Variants in JAKMIP3 observed in about 807,000 individuals in gnomAD.
The protein encoded by JAKMIP3 is janus kinase and microtubule-interacting protein 3.
Under a neutral mutation model 118.5 loss-of-function variants are expected in JAKMIP3, and 58 were observed. The ratio of observed to expected loss-of-function variants is 0.49; its 90% CI spans 0.40 to 0.61. The LOEUF is 0.61. Ranked by LOEUF, JAKMIP3 falls within the 20% of genes least tolerant of loss-of-function variation. The pLI is 0.00. For missense variants in JAKMIP3, 950 were observed against 1,109.0 expected (o/e 0.86, Z 2.04); for synonymous variants, 486 against 451.2 (o/e 1.08, Z -0.98).
At position 132,163,337 on chromosome 10, in the gene JAKMIP3, G is replaced by T. The variant is rs1160728264; in HGVS notation, c.2349G>T (p.Gln783His). 1 of 1,609,790 alleles carries T rather than the reference G, an allele frequency of 6.2e-7. No individual in the cohort carries two copies. Among genetic ancestry groups the T allele is most frequent in the Non-Finnish European group, 8.5e-7 (1 of 1,179,458 alleles). Residue 783 changes from glutamine (Q) to histidine (H), a missense_variant, in exon 20 of 24, where the codon CAG becomes CAT. Gln to His is a conservative substitution (Grantham distance 24, BLOSUM62 0). Transcript: ENST00000684848. ...TGGCCGTGGAGCAGTGGAAGCGCCA[G>T]GTCATGAGTGAGCTGCGCGAGCGGG... ...LKVAVEQWKR[Q>H]VMSELRERDA...
chr10:132,153,813 C>G lies in JAKMIP3; in HGVS notation c.2128C>G (p.Leu710Val). 3.1e-6 allele frequency: 5 copies of G among 1,613,072 alleles called. No individual in the cohort carries two copies. The highest frequency in any genetic ancestry group is 4.2e-6 in the Non-Finnish European group (5 of 1,179,848). ...GGCGCTGCAGCGGAAGATGGTGGAT[C>G]TGGAGAGCGAGAAGGTTGGTGGCAC... ...EAALQRKMVDLESEKELFSKQ... is the reference protein window; with the variant it reads ...EAALQRKMVDVESEKELFSKQ... Residue 710 changes from leucine to valine, a missense_variant, in exon 18 of 24, where the codon CTG becomes GTG. Leu to Val is a conservative substitution (Grantham distance 32, BLOSUM62 1). Coordinates refer to ENST00000684848, the MANE Select transcript of JAKMIP3 (RefSeq NM_001323087.2).
chr10:132,044,247 C>T lies in JAKMIP3; in HGVS notation c.-138+7509C>T, dbSNP rs2037843824. 6.6e-6 allele frequency among the ~76,000 whole-genome samples: 1 copy of T among 152,234 alleles called. No individual in the cohort carries two copies. Among genetic ancestry groups the T allele is most frequent in the South Asian group, 2.1e-4 (1 of 4,832 alleles). The stretch of plus-strand genomic sequence containing the variant: ...GTGCCCTTAGCAAACATTTCCTAGA[C>T]ACGTCTCCTGGTCCAGGCATCGTGG... On this transcript the variant is annotated intron_variant, in intron 1 of 23. Coordinates refer to the JAKMIP3 transcript ENST00000657785. This position sits in a 1 kb window ranked among gnomAD's most constrained non-coding sequence, Gnocchi z 5.3.
chr10:132,104,966 C>T (rs192795687), intron 2 of JAKMIP3, 23 bp downstream of exon 2: 6 of 1,572,574 alleles, frequency 3.8e-6, no homozygotes, highest in Admixed American at 3.6e-5. Flanking sequence ...CAGACCTCCA[C>T]CCTTGAATGT....
rs139575752 is a variant in JAKMIP3, at chr10:132,172,136, C to T, written c.*1103+3103C>T. The stretch of plus-strand genomic sequence containing the variant: ...TGACACTTTTTTAGTTCTTCCTCGT[C>T]ACTCTTGGCCTCGACGCTTGGATAA... On this transcript the variant is annotated intron_variant, in intron 23 of 23. Transcript: ENST00000684848. Among the ~76,000 whole-genome samples, 1,085 of 152,290 alleles carry T rather than the reference C, an allele frequency of 7.1e-3. 15 individuals are homozygous for T. The highest frequency in any genetic ancestry group is 0.02 in the South Asian group (96 of 4,826).
upstream of JAKMIP3, among the ~76,000 whole-genome samples, chr10:132,059,923 G>A (rs779845242): frequency 4.4e-4 from 67 of 152,246 alleles, no homozygotes; most frequent in Non-Finnish European, 9.0e-4. Context: ...AAGGACAGGG[G>A]AGAGTGGAGC....
At chr10:132,071,910 C>CTTTCCTTCCTTTCCTTCCTTCCT (rs2040008090) in intron 1 of JAKMIP3, among the ~76,000 whole-genome samples, 1 of 134,778 alleles carries the variant, frequency 7.4e-6, no homozygotes, top group East Asian at 2.2e-4. Context: ...TCTTCCCTTC[C>CTTTCCTTCCTTTCCTTCCTTCCT]TTCCTTCCTT....
In JAKMIP3 at chr10:132,168,024, C is replaced by T; in HGVS notation, c.*94C>T. 1 of 1,289,634 alleles carries T rather than the reference C, an allele frequency of 7.8e-7. No individual in the cohort carries two copies. The highest frequency in any genetic ancestry group is 1.0e-6 in the Non-Finnish European group (1 of 988,848). The allele number at this position is 1,289,634 out of a possible 1,614,324, so 79.9% of individuals were successfully genotyped here. A position where few individuals can be genotyped will look rare whatever the true frequency, so the allele number is the denominator to read the frequency against. ...GGGACAAAATGGGACGTCGCGTCTC[C>T]ATCCTGAAGACCCAGGGAGATTTGG... On this transcript the variant is annotated 3_prime_UTR_variant, in exon 23 of 24. Coordinates refer to ENST00000684848, the MANE Select transcript of JAKMIP3 (RefSeq NM_001323087.2).
intron 19 of JAKMIP3, among the ~76,000 whole-genome samples, chr10:132,156,396 G>A (rs1029238975): frequency 6.6e-6 from 1 of 152,148 alleles, no homozygotes; most frequent in East Asian, 1.9e-4. Context: ...TTGCTGCCCG[G>A]GTGGAGAGGG....
At chr10:132,054,359 G>A (rs564881143) in intron 1 of JAKMIP3, among the ~76,000 whole-genome samples, 39 of 152,262 alleles carry the variant, frequency 2.6e-4, no homozygotes, top group African/African-American at 8.7e-4. Context: ...GGCGTGTGTA[G>A]GAAGACCACC....
upstream of JAKMIP3, among the ~76,000 whole-genome samples, chr10:132,061,185 CGTG>C (rs1564855254): frequency 1.4e-4 from 16 of 117,848 alleles, no homozygotes; most frequent in Non-Finnish European, 3.0e-4. Flanking sequence ...ACACACCTGC[CGTG>C]ACGGCGCACA....
chr10:132,147,490 T>C (rs1266548398), intron 13 of JAKMIP3, among the ~76,000 whole-genome samples: 1 of 152,162 alleles, frequency 6.6e-6, no homozygotes, highest in Non-Finnish European at 1.5e-5. Context: ...ACCCGCTCCT[T>C]CCATTGGGCA....
intron 9 of JAKMIP3, among the ~76,000 whole-genome samples, chr10:132,139,068 GTATGTGTA>G (rs2052537862): frequency 1.4e-5 from 2 of 145,934 alleles, no homozygotes; most frequent in African/African-American, 2.7e-5. Flanking sequence ...GTGTGTGTGT[GTATGTGTA>G]TGTGTGTGTG....
intron 1 of JAKMIP3, among the ~76,000 whole-genome samples, chr10:132,037,036 G>C (rs2037529335): frequency 6.6e-6 from 1 of 152,222 alleles, no homozygotes; most frequent in South Asian, 2.1e-4. Context: ...CAGGGCTGGG[G>C]ACCCGCATCT....
In JAKMIP3 at chr10:132,117,521, CAGG is replaced by C; in HGVS notation, c.586_588del (p.Glu196del). The C allele has an allele frequency of 6.2e-7, 1 of 1,600,376 alleles. No individual in the cohort carries two copies. The highest frequency in any genetic ancestry group is 8.5e-7 in the Non-Finnish European group (1 of 1,173,600). On this transcript the variant is annotated inframe_deletion, in exon 3 of 24. Coordinates refer to ENST00000684848, the MANE Select transcript of JAKMIP3 (RefSeq NM_001323087.2). The surrounding 1 kb of genome is among the most constrained non-coding windows in gnomAD (Gnocchi z 8.6). Reference sequence around the variant, plus strand: ...GATCCGCAGCGTGTACCACCTGCACCAGGAGGAGATCACCCGCATCAAGAAGGA... The same window carrying C: ...GATCCGCAGCGTGTACCACCTGCACCAGGAGATCACCCGCATCAAGAAGGA...
chr10:132,083,453 C>T (rs2042022609), intron 1 of JAKMIP3, among the ~76,000 whole-genome samples: 1 of 151,914 alleles, frequency 6.6e-6, no homozygotes, highest in Non-Finnish European at 1.5e-5. Context: ...TGTATAGATA[C>T]TGAAGATTTT....
chr10:132,058,268 G>A (rs2133837594), intron 1 of JAKMIP3, among the ~76,000 whole-genome samples: 1 of 152,334 alleles, frequency 6.6e-6, no homozygotes, highest in South Asian at 2.1e-4. Flanking sequence ...GAAATACAAA[G>A]TGAGGGCCTC....
intron 19 of JAKMIP3, among the ~76,000 whole-genome samples, chr10:132,159,144 T>C (rs66502262): frequency 0.69 from 76,935 of 111,204 alleles, 25,266 homozygotes; most frequent in East Asian, 0.93. Flanking sequence ...GCGTCTCTCC[T>C]TGTGTGATGT....
In JAKMIP3 at chr10:132,136,082, G is replaced by A. The variant is rs779420732; in HGVS notation, c.1116+6G>A. 6.2e-7 allele frequency: 1 copy of A among 1,612,960 alleles called. No individual in the cohort carries two copies. The highest frequency in any genetic ancestry group is 8.5e-7 in the Non-Finnish European group (1 of 1,179,642). On this transcript the variant is annotated splice_donor_region_variant and intron_variant, in intron 6 of 23. Coordinates refer to ENST00000684848, the MANE Select transcript of JAKMIP3 (RefSeq NM_001323087.2). ...CCCAGGAGAACATAGAAATGGTGAGGGGGTGGGGGGCTCCACGGGGCCACG... is the reference window on the plus strand; with the variant it reads ...CCCAGGAGAACATAGAAATGGTGAGAGGGTGGGGGGCTCCACGGGGCCACG...
At chr10:132,071,938 T>TCC (rs2134005093) in intron 1 of JAKMIP3, among the ~76,000 whole-genome samples, 2 of 146,442 alleles carry the variant, frequency 1.4e-5, no homozygotes, top group South Asian at 2.3e-4. Flanking sequence ...TTTCTTTCCT[T>TCC]TTTTTCCTTT....
Sources: gnomAD v4.1 joint callset for allele counts (sites outside exome capture counted in the v4.1 genomes callset) on GRCh38, gnomAD v4.1.1 for gene constraint, Gnocchi (gnomAD v3.1) non-coding constraint, MANE v1.5 for transcripts, NCBI Gene and HGNC (gene_info 2026-07-23, HGNC 2026-07-21) for gene names.